Variants in MALT1 observed in about 807,000 individuals in gnomAD.
MALT1 encodes mucosa-associated lymphoid tissue lymphoma translocation protein 1.
Under a neutral mutation model 85.5 loss-of-function variants are expected in MALT1, and 36 were observed. The ratio of observed to expected loss-of-function variants is 0.42; its 90% confidence interval spans 0.32 to 0.56. The LOEUF (loss-of-function observed/expected upper bound fraction) is 0.56. MALT1 is among the 20% of genes least tolerant of loss of function. The probability of loss-of-function intolerance (pLI) is 0.10; values close to 1 mark genes in which losing one functional copy is unlikely to be tolerated. For synonymous variants in MALT1, 359 were observed against 361.3 expected (o/e 0.99, Z 0.07); for missense variants, 716 against 981.6 (o/e 0.73, Z 3.62).
At chr18:58,725,681 T>C (rs948149759) in intron 10 of MALT1, among the ~76,000 whole-genome samples, 1 of 152,248 alleles carries the variant, frequency 6.6e-6, no homozygotes, top group African/African-American at 2.4e-5. Flanking sequence ...GGGAATCATA[T>C]GAAGAATTAC....
intron 10 of MALT1, among the ~76,000 whole-genome samples, chr18:58,731,690 C>T (rs929175406): frequency 3.9e-5 from 6 of 152,198 alleles, no homozygotes; most frequent in African/African-American, 9.7e-5. Flanking sequence ...TCATTTCATA[C>T]GTACATGGTG....
chr18:58,684,738 G>A (rs1392383816), intron 2 of MALT1, among the ~76,000 whole-genome samples: 2 of 151,896 alleles, frequency 1.3e-5, no homozygotes, highest in African/African-American at 4.8e-5. Context: ...GAGCCACTGC[G>A]CCCAGCCAAC....
At chr18:58,714,049 A>G (rs759853168) in intron 7 of MALT1, 34 bp from the exon 8 acceptor site, 1 of 1,050,478 alleles carries the variant, frequency 9.5e-7, no homozygotes, top group Admixed American at 2.0e-5. Context: ...TGGTGTTTAG[A>G]TTACTTAATC....
intron 4 of MALT1, among the ~76,000 whole-genome samples, chr18:58,707,716 T>C (rs753189465): frequency 3.9e-5 from 6 of 152,094 alleles, no homozygotes; most frequent in African/African-American, 7.2e-5. Context: ...CATATAGAGA[T>C]TGAAATTAAT....
intron 2 of MALT1, among the ~76,000 whole-genome samples, chr18:58,688,536 CAAAA>C (rs552838701): frequency 1.6e-5 from 1 of 61,402 alleles, no homozygotes; most frequent in Non-Finnish European, 3.4e-5. Flanking sequence ...CCTGTTTCTA[CAAAA>C]AAAAAAAAAA....
At chr18:58,674,938 A>G (rs760520966) in intron 1 of MALT1, among the ~76,000 whole-genome samples, 11 of 152,246 alleles carry the variant, frequency 7.2e-5, no homozygotes, top group Non-Finnish European at 1.5e-4. Flanking sequence ...TAAGTAAACC[A>G]CAAGAAAAGA....
At chr18:58,746,668 G>A (rs554442929) in intron 16 of MALT1, among the ~76,000 whole-genome samples, 1 of 151,970 alleles carries the variant, frequency 6.6e-6, no homozygotes, top group South Asian at 2.1e-4. Context: ...CTACGATTAT[G>A]GATTACTATA....
At chr18:58,722,969 T>G (rs2055004459) in intron 9 of MALT1, 79 bp from the exon 10 acceptor site, 1 of 911,400 alleles carries the variant, frequency 1.1e-6, no homozygotes, top group South Asian at 1.6e-5. Context: ...AGCATACTTT[T>G]TATTATAATA....
intron 13 of MALT1, among the ~76,000 whole-genome samples, chr18:58,736,355 G>A (rs1300632371): frequency 1.3e-5 from 2 of 150,974 alleles, no homozygotes; most frequent in African/African-American, 4.9e-5. Context: ...CCACCCTCCC[G>A]CTTCATCCAG....
At chr18:58,723,688 T>C (rs2055015574) in intron 10 of MALT1, among the ~76,000 whole-genome samples, 1 of 152,248 alleles carries the variant, frequency 6.6e-6, no homozygotes, top group African/African-American at 2.4e-5. Context: ...TGGTCTTTTC[T>C]AGTCTTTTAG....
chr18:58,694,387 G>C (rs2054557752), intron 2 of MALT1, among the ~76,000 whole-genome samples: 1 of 151,978 alleles, frequency 6.6e-6, no homozygotes, highest in Admixed American at 6.6e-5. Flanking sequence ...TATTTACACT[G>C]TTTCCTTTTT....
At chr18:58,684,125 G>A (rs1462579887) in intron 2 of MALT1, among the ~76,000 whole-genome samples, 1 of 152,136 alleles carries the variant, frequency 6.6e-6, no homozygotes, top group African/African-American at 2.4e-5. Context: ...TAGATACGGG[G>A]TTTTGCCATG....
chr18:58,688,326 A>ACG (rs140034335), intron 2 of MALT1, among the ~76,000 whole-genome samples: 2 of 134,710 alleles, frequency 1.5e-5, no homozygotes, highest in Non-Finnish European at 3.2e-5. Context: ...ACACACACAC[A>ACG]CGCTTATTAA....
At position 58,753,934 on chromosome 18, in the gene MALT1, T is replaced by G. The variant is rs967451771; in HGVS notation, c.*6092T>G. The G allele has an allele frequency of 1.3e-5, 2 of 152,194 alleles. No individual in the cohort carries two copies. Among genetic ancestry groups the G allele is most frequent in the African/African-American group, 4.8e-5 (2 of 41,446 alleles). 9.4% of individuals were successfully genotyped at this position (152,194 alleles called of 1,614,324 possible). A position where few individuals can be genotyped will look rare whatever the true frequency, so the allele number is the denominator to read the frequency against. On this transcript the variant is annotated 3_prime_UTR_variant, in exon 17 of 17. Coordinates refer to ENST00000649217, the MANE Select transcript of MALT1 (RefSeq NM_006785.4). ...TTCCCACTTTTTTTCATGCTTGAGT[T>G]TAGTTGATAAATAGCATTTTAGATA... is the stretch of plus-strand genomic sequence containing the variant.
Position 58,686,173 on chromosome 18 carries a change from C to T in MALT1, c.376+4837C>T, listed in dbSNP as rs537218873. Among the ~76,000 whole-genome samples the T allele has an allele frequency of 3.0e-4, 46 of 152,178 alleles. No individual in the cohort carries two copies. In the East Asian group the frequency reaches 7.0e-3, roughly 23 times the overall value. Reference sequence around the variant, plus strand: ...TCCTGAGTAGCTGGGATTACAGGCACGCGCCACCACACCCAGCTAATTTTT... The same window carrying T: ...TCCTGAGTAGCTGGGATTACAGGCATGCGCCACCACACCCAGCTAATTTTT... On this transcript the variant is annotated intron_variant, in intron 2 of 16. Coordinates refer to ENST00000649217, the MANE Select transcript of MALT1 (RefSeq NM_006785.4).
intron 4 of MALT1, among the ~76,000 whole-genome samples, chr18:58,707,361 CT>C (rs199919132): frequency 1.7e-3 from 227 of 136,740 alleles, no homozygotes; most frequent in Middle Eastern, 3.9e-3. Context: ...TTTTCTTTTT[CT>C]TTTTTTTTTT....
At chr18:58,735,370 G>C (rs745864318) in intron 13 of MALT1, 41 bp downstream of exon 13, 11 of 1,563,676 alleles carry the variant, frequency 7.0e-6, no homozygotes, top group Non-Finnish European at 9.4e-6. Flanking sequence ...AGAAAAAGGA[G>C]AGCAGGGGAG....
chr18:58,746,976 C>T (rs8099274), intron 16 of MALT1, among the ~76,000 whole-genome samples: 4,123 of 152,286 alleles, frequency 0.027, 158 homozygotes, highest in African/African-American at 0.092. Context: ...GATCCATCTG[C>T]GTCATCCTCC....
rs1174430014 is a variant in MALT1 at position 58,749,460 on chromosome 18, A to G, written c.*1618A>G. The G allele has an allele frequency of 9.3e-6, 2 of 216,190 alleles. No homozygotes were observed. Among genetic ancestry groups the G allele is most frequent in the Non-Finnish European group, 1.9e-5 (2 of 107,414 alleles). 13.4% of individuals were successfully genotyped at this position (216,190 alleles called of 1,614,324 possible). A position where few individuals can be genotyped will look rare whatever the true frequency, so the allele number is the denominator to read the frequency against. ...TGTACTACACAGAATTGCCCCTGCCATTTCCACCCTCCAGTCATTTCTCTA... is the reference window on the plus strand; with the variant it reads ...TGTACTACACAGAATTGCCCCTGCCGTTTCCACCCTCCAGTCATTTCTCTA... On this transcript the variant is annotated 3_prime_UTR_variant, in exon 17 of 17. Coordinates refer to ENST00000649217, the MANE Select transcript of MALT1 (RefSeq NM_006785.4).
Sources: gnomAD v4.1 joint callset for allele counts (sites outside exome capture counted in the v4.1 genomes callset) on GRCh38, gnomAD v4.1.1 for gene constraint, MANE v1.5 for transcripts, NCBI Gene and HGNC (gene_info 2026-07-23, HGNC 2026-07-21) for gene names.